ACYP2: variants seen among roughly 807,000 people sequenced by gnomAD.
ACYP2 encodes acylphosphatase-2.
A neutral mutation model predicts 11.2 loss-of-function variants in ACYP2; 12 were observed. The observed-to-expected ratio is 1.08, with a 90% CI of 0.69 to 1.74. The LOEUF (loss-of-function observed/expected upper bound fraction) is 1.74, where lower values mean the gene tolerates loss of function less well. Among genes scored for constraint, ACYP2 ranks in the 40% most tolerant of loss-of-function variants. The pLI is 0.00. For synonymous variants in ACYP2, 43 were observed against 32.2 expected (o/e 1.33, Z -1.13); for missense variants, 134 against 101.9 (o/e 1.31, Z -1.35).
At chr2:54,185,513 A>G (rs559152747) in intron 6 of ACYP2, among the ~76,000 whole-genome samples, 1 of 152,120 alleles carries the variant, frequency 6.6e-6, no homozygotes, top group Non-Finnish European at 1.5e-5. Context: ...GCTTTTGGTT[A>G]TTTACCGCCT....
intron 6 of ACYP2, among the ~76,000 whole-genome samples, chr2:54,197,926 T>A (rs900609081): frequency 1.7e-5 from 2 of 117,016 alleles, no homozygotes; most frequent in African/African-American, 5.7e-5. Flanking sequence ...TATTTTATTT[T>A]ATTTATGTAT....
intron 4 of ACYP2, among the ~76,000 whole-genome samples, chr2:54,130,547 A>AG (rs1491560098): frequency 6.6e-6 from 1 of 152,152 alleles, no homozygotes. Context: ...ATACACTGTA[A>AG]GGGGGGCAGA....
At chr2:54,020,283 A>C (rs1359488140) in intron 2 of ACYP2, among the ~76,000 whole-genome samples, 3 of 152,242 alleles carry the variant, frequency 2.0e-5, no homozygotes, top group Non-Finnish European at 4.4e-5. Context: ...GATTGAATTA[A>C]TAAAACTGTA....
At chr2:54,224,830 T>C (rs111598831) in intron 6 of ACYP2, among the ~76,000 whole-genome samples, 1,842 of 152,314 alleles carry the variant, frequency 0.012, 51 homozygotes, top group African/African-American at 0.04. Flanking sequence ...CCTTAAAACG[T>C]TGTAAGGTTT....
chr2:54,242,670 A>G (rs1266191526), intron 6 of ACYP2, among the ~76,000 whole-genome samples: 3 of 152,200 alleles, frequency 2.0e-5, no homozygotes, highest in African/African-American at 7.2e-5. Flanking sequence ...AGTTGCCTAC[A>G]CTATTCAGTA....
At chr2:54,272,968 T>C (rs1363823568) in intron 6 of ACYP2, among the ~76,000 whole-genome samples, 13 of 152,230 alleles carry the variant, frequency 8.5e-5, no homozygotes, top group Admixed American at 7.2e-4. Context: ...AGAAGATGTT[T>C]AGTACCAGGT....
intron 2 of ACYP2, among the ~76,000 whole-genome samples, chr2:54,024,437 C>T (rs7588134): frequency 0.093 from 14,143 of 152,128 alleles, 875 homozygotes; most frequent in African/African-American, 0.17. Context: ...GTTTAACATA[C>T]GCAAATCAAT....
chr2:54,039,819 T>TTGTGTGTGTGTGTGTG (rs751604890), intron 2 of ACYP2, among the ~76,000 whole-genome samples: 53 of 126,682 alleles, frequency 4.2e-4, no homozygotes, highest in South Asian at 6.0e-4. Context: ...TTGTTTTCTT[T>TTGTGTGTGTGTGTGTG]TGTGTGTGTG....
At chr2:53,999,283 A>G (rs1672699973) in intron 2 of ACYP2, among the ~76,000 whole-genome samples, 1 of 152,172 alleles carries the variant, frequency 6.6e-6, no homozygotes, top group Non-Finnish European at 1.5e-5. Context: ...ATATACACAT[A>G]CAGGGAGATG....
chr2:54,266,177 A>C (rs1688008478), intron 6 of ACYP2, among the ~76,000 whole-genome samples: 1 of 152,204 alleles, frequency 6.6e-6, no homozygotes, highest in Non-Finnish European at 1.5e-5. Flanking sequence ...ACTAGAACTT[A>C]TGGTCTGCAA....
At chr2:54,137,208 T>C (rs978016476) in intron 5 of ACYP2, among the ~76,000 whole-genome samples, 1 of 148,850 alleles carries the variant, frequency 6.7e-6, no homozygotes, top group Non-Finnish European at 1.5e-5. Context: ...CAGAATCTTT[T>C]AGTCTTATAA....
Position 53,973,855 on chromosome 2 carries a change from ATGTGTGTGTGTGTGTG to A in ACYP2, c.62+77_62+92del, listed in dbSNP as rs573137716. 5.0e-4 allele frequency: 62 copies of A among 124,434 alleles called. 2 individuals are homozygous for A. Among genetic ancestry groups the A allele is most frequent in the African/African-American group, 7.3e-4 (20 of 27,274 alleles). The allele number at this position is 124,434 out of a possible 1,614,324, so 7.7% of individuals were successfully genotyped here. On this transcript the variant is annotated intron_variant, in intron 2 of 6. Transcript: ENST00000607452. Reference sequence around the variant, plus strand: ...GGATTTTTGAATGTGGGATATATATATGTGTGTGTGTGTGTGTGTGTGTGTGTGTGTGTGTGTGTGT... The same window carrying A: ...GGATTTTTGAATGTGGGATATATATATGTGTGTGTGTGTGTGTGTGTGTGT...
chr2:53,994,836 C>G (rs1672492395), intron 2 of ACYP2, among the ~76,000 whole-genome samples: 1 of 152,098 alleles, frequency 6.6e-6, no homozygotes, highest in African/African-American at 2.4e-5. Context: ...TAAAATATAC[C>G]TCTGGCATTA....
At chr2:54,216,658 C>T (rs1401531227) in intron 6 of ACYP2, among the ~76,000 whole-genome samples, 1 of 152,044 alleles carries the variant, frequency 6.6e-6, no homozygotes, top group African/African-American at 2.4e-5. Context: ...ATGCCTCAGT[C>T]TCCTGAGTAG....
chr2:54,124,928 A>G (rs776250104), intron 4 of ACYP2, among the ~76,000 whole-genome samples: 1 of 152,010 alleles, frequency 6.6e-6, no homozygotes, highest in Non-Finnish European at 1.5e-5. Flanking sequence ...TTGTATTCAT[A>G]TTTTTTGTAG....
intron 4 of ACYP2, among the ~76,000 whole-genome samples, chr2:54,093,712 G>A (rs896254828): frequency 5.9e-5 from 9 of 152,242 alleles, no homozygotes; most frequent in East Asian, 1.9e-4. Flanking sequence ...AGGCCGAGGC[G>A]GGTGGATCAC....
chr2:54,162,413 C>T (rs1227649190), intron 6 of ACYP2, among the ~76,000 whole-genome samples: 1 of 152,096 alleles, frequency 6.6e-6, no homozygotes, highest in Non-Finnish European at 1.5e-5. Context: ...ATTCTCTCTT[C>T]TATTGGAAGT....
intron 4 of ACYP2, among the ~76,000 whole-genome samples, chr2:54,121,388 C>A (rs1265800799): frequency 6.6e-6 from 1 of 152,168 alleles, no homozygotes; most frequent in Non-Finnish European, 1.5e-5. Context: ...TGGACTCCAC[C>A]TGGAACTGGC....
At chr2:54,217,467 A>C (rs753471513) in intron 6 of ACYP2, among the ~76,000 whole-genome samples, 1 of 152,068 alleles carries the variant, frequency 6.6e-6, no homozygotes, top group African/African-American at 2.4e-5. Context: ...CCTGGGCTCA[A>C]GCGACTTTCC....
Sources: gnomAD v4.1 joint callset for allele counts (sites outside exome capture counted in the v4.1 genomes callset) on GRCh38, gnomAD v4.1.1 for gene constraint, MANE v1.5 for transcripts, NCBI Gene and HGNC (gene_info 2026-07-23, HGNC 2026-07-21) for gene names.